Variants in PPARGC1B observed in about 807,000 individuals in gnomAD.
The protein encoded by PPARGC1B is peroxisome proliferator-activated receptor gamma coactivator 1-beta.
PPARGC1B carries 34 observed loss-of-function variants against 101.6 expected under a neutral mutation model. The ratio of observed to expected loss-of-function variants is 0.33; its 90% confidence interval spans 0.25 to 0.45. PPARGC1B has a LOEUF of 0.45. Ranked by LOEUF, PPARGC1B falls within the 20% of genes least tolerant of loss-of-function variation. The pLI is 1.00. For missense variants in PPARGC1B, 1,234 were observed against 1,317.6 expected, an observed-to-expected ratio of 0.94 and a Z score of 0.98; for synonymous variants, 548 against 539.3, an observed-to-expected ratio of 1.02 and a Z score of -0.22.
At position 149,735,828 on chromosome 5, in the gene PPARGC1B, A is replaced by G. The variant is rs373792370; in HGVS notation, c.78+5408A>G. On this transcript the variant is annotated intron_variant, in intron 1 of 11. Coordinates refer to ENST00000309241, the MANE Select transcript of PPARGC1B (RefSeq NM_133263.4). Reference sequence around the variant, plus strand: ...GAGCAAATGAAGGCACATAGATTGTATAGAGAGAATGCAGAGGCCGGGTGC... The same window carrying G: ...GAGCAAATGAAGGCACATAGATTGTGTAGAGAGAATGCAGAGGCCGGGTGC... 2.6e-5 allele frequency among the ~76,000 whole-genome samples: 4 copies of G among 152,222 alleles called. No individual in the cohort carries two copies. The East Asian group carries it at 7.7e-4, about 29-fold the overall frequency.
chr5:149,763,004 T>C (rs1755770787), intron 1 of PPARGC1B, among the ~76,000 whole-genome samples: 1 of 152,140 alleles, frequency 6.6e-6, no homozygotes, highest in Non-Finnish European at 1.5e-5. Context: ...CCCAGACTGT[T>C]CTCTAACTCC....
In PPARGC1B at chr5:149,755,046, CAT is replaced by C. The variant is rs1385735590; in HGVS notation, c.78+24630_78+24631del. On this transcript the variant is annotated intron_variant, in intron 1 of 11. Coordinates refer to ENST00000309241, the MANE Select transcript of PPARGC1B (RefSeq NM_133263.4). ...CACATATACACTACATATACATATA[CAT>C]ATACATATATATATATATATATATA... Among the ~76,000 whole-genome samples, 197 of 105,532 alleles carry C rather than the reference CAT, an allele frequency of 1.9e-3. 2 individuals carry two copies. The South Asian group carries it at 0.035, about 19-fold the overall frequency. 69.2% of individuals were successfully genotyped at this position (105,532 alleles called of 152,430 possible). A position where few individuals can be genotyped will look rare whatever the true frequency, so the allele number is the denominator to read the frequency against.
At position 149,836,623 on chromosome 5, in the gene PPARGC1B, C is replaced by T; in HGVS notation, c.2168C>T (p.Pro723Leu). The change falls in exon 8 of 12, where the codon CCC becomes CTC. Residue 723 changes from proline (P) to leucine (L), a missense_variant. Pro to Leu is a moderately conservative substitution (Grantham distance 98, BLOSUM62 -3). Coordinates refer to ENST00000309241, the MANE Select transcript of PPARGC1B (RefSeq NM_133263.4). ...EPSGVHLEDW[P>L]QQGAPWAEAQ... ...TCTGGGGTTCACCTTGAGGACTGGC[C>T]CCAGCAGGGTGCCCCTTGGGCTGAG... is the stretch of plus-strand genomic sequence containing the variant. The T allele has an allele frequency of 3.1e-6, 5 of 1,613,810 alleles. No individual in the cohort carries two copies. The highest frequency in any genetic ancestry group is 4.2e-6 in the Non-Finnish European group (5 of 1,180,032).
intron 1 of PPARGC1B, among the ~76,000 whole-genome samples, chr5:149,782,373 A>G (rs1756629696): frequency 6.6e-6 from 1 of 152,236 alleles, no homozygotes; most frequent in Non-Finnish European, 1.5e-5. Context: ...CTTCTCCCCA[A>G]GCAGTGGGTT....
chr5:149,798,333 T>C (rs922195916), intron 1 of PPARGC1B, among the ~76,000 whole-genome samples: 11 of 152,246 alleles, frequency 7.2e-5, no homozygotes, highest in African/African-American at 2.7e-4. Context: ...AACACGCCCT[T>C]GTTTTTTTGT....
Position 149,840,099 on chromosome 5 carries a change from C to T in PPARGC1B, c.2677C>T (p.Arg893Trp), listed in dbSNP as rs149399240. ...GCCAAGCATCCGGCACGCCAGGAAG[C>T]GGCGGGAAAAGGCCATTGTAAGTGA... is the stretch of plus-strand genomic sequence containing the variant. ...RTPSIRHARK[R>W]REKAIGEGRV... The change falls in exon 9 of 12, where the codon CGG (arginine) becomes TGG (tryptophan). Residue 893 changes from arginine (R) to tryptophan (W), a missense_variant. Physicochemically the swap from Arg to Trp is moderately radical, Grantham distance 101. This residue lies in a region of PPARGC1B where 497 missense variants were observed against 529.5 expected (regional missense o/e 0.94). Coordinates refer to ENST00000309241, the MANE Select transcript of PPARGC1B (RefSeq NM_133263.4). 135 of 1,612,928 alleles carry T rather than the reference C, an allele frequency of 8.4e-5. No individual in the cohort carries two copies. Among genetic ancestry groups the T allele is most frequent in the Non-Finnish European group, 1.1e-4 (127 of 1,179,566 alleles).
At chr5:149,745,092 G>T (rs2113099760) in intron 1 of PPARGC1B, among the ~76,000 whole-genome samples, 1 of 152,054 alleles carries the variant, frequency 6.6e-6, no homozygotes, top group South Asian at 2.1e-4. Flanking sequence ...TTAGAGATAG[G>T]GTCTTGCTAT....
chr5:149,833,445 C>T lies in PPARGC1B; in HGVS notation c.1372C>T (p.Arg458Ter), dbSNP rs1758899070. 1.3e-6 allele frequency: 2 copies of T among 1,576,432 alleles called. No homozygotes were observed. Among genetic ancestry groups the T allele is most frequent in the Non-Finnish European group, 1.7e-6 (2 of 1,161,216 alleles). The change falls in exon 5 of 12, where the codon CGA (arginine) becomes TGA (stop). Residue 458 changes from arginine (R) to a stop codon, truncating the protein, a stop_gained. Coordinates refer to ENST00000309241, the MANE Select transcript of PPARGC1B (RefSeq NM_133263.4). LOFTEE classifies it high-confidence loss of function. The surrounding 1 kb of genome is among the most constrained non-coding windows in gnomAD (Gnocchi z 4.1). ...EEEWGRKRPG[R>*]GLPWTKLGRK... Reference sequence around the variant, plus strand: ...GGAGTGGGGCAGGAAAAGGCCAGGCCGAGGCCTGCCATGGACGAAGCTGGG... The same window carrying T: ...GGAGTGGGGCAGGAAAAGGCCAGGCTGAGGCCTGCCATGGACGAAGCTGGG...
chr5:149,797,312 T>G (rs933814891), intron 1 of PPARGC1B, among the ~76,000 whole-genome samples: 80 of 152,238 alleles, frequency 5.3e-4, no homozygotes, highest in African/African-American at 1.7e-3. Context: ...ATTACATCTT[T>G]GTTTTCATGA....
intron 1 of PPARGC1B, among the ~76,000 whole-genome samples, chr5:149,809,886 G>T (rs11948432): frequency 6.6e-6 from 1 of 151,870 alleles, no homozygotes; most frequent in African/African-American, 2.4e-5. Context: ...AGGCCCATCT[G>T]GGGAGGGACG....
intron 1 of PPARGC1B, among the ~76,000 whole-genome samples, chr5:149,734,429 T>A (rs943035621): frequency 2.6e-5 from 4 of 151,448 alleles, no homozygotes; most frequent in Admixed American, 1.3e-4. Flanking sequence ...CCAAACAATA[T>A]GCTGTGAACA....
chr5:149,777,196 A>G (rs1040699484), intron 1 of PPARGC1B, among the ~76,000 whole-genome samples: 1 of 152,196 alleles, frequency 6.6e-6, no homozygotes, highest in African/African-American at 2.4e-5. Flanking sequence ...AAAAGCACTT[A>G]GTATATGCCC....
At chr5:149,835,530 G>A (rs930319287) in intron 7 of PPARGC1B, among the ~76,000 whole-genome samples, 165 bp downstream of exon 7, 2 of 152,236 alleles carry the variant, frequency 1.3e-5, no homozygotes, top group African/African-American at 2.4e-5. Flanking sequence ...AGAAAAGGAA[G>A]ATCATTACAA....
chr5:149,800,573 A>G (rs1757399037), intron 1 of PPARGC1B, among the ~76,000 whole-genome samples: 1 of 152,332 alleles, frequency 6.6e-6, no homozygotes, highest in East Asian at 1.9e-4. Flanking sequence ...ATGGCTAACA[A>G]TACCTCCCTT....
chr5:149,790,733 G>A (rs1756987201), intron 1 of PPARGC1B, among the ~76,000 whole-genome samples: 1 of 152,170 alleles, frequency 6.6e-6, no homozygotes, highest in Non-Finnish European at 1.5e-5. Flanking sequence ...GTGGGTCCCA[G>A]TGACTCCAGC....
At position 149,730,405 on chromosome 5, in the gene PPARGC1B, T is replaced by C. The variant is rs1039774119; in HGVS notation, c.63T>C (p.Tyr21=). The change falls in exon 1 of 12, where the codon TAT becomes TAC. Residue 21 remains tyrosine (Y), a synonymous_variant. Transcript: ENST00000309241. This position sits in a 1 kb window ranked among gnomAD's most constrained non-coding sequence, Gnocchi z 4.0. ...AGCTCTCCTCCTTCTTCCTCAACTA[T>C]CTCGCTGACACGCAGGTACGGCCGG... ...DEELSSFFLN[Y]LADTQGGGSG... is the part of the protein sequence containing the mutation. 2.6e-6 allele frequency: 4 copies of C among 1,564,314 alleles called. No homozygotes were observed. Among genetic ancestry groups the C allele is most frequent in the African/African-American group, 1.4e-5 (1 of 71,176 alleles).
intron 1 of PPARGC1B, among the ~76,000 whole-genome samples, chr5:149,766,031 A>T (rs557644540): frequency 1.3e-5 from 2 of 152,252 alleles, no homozygotes; most frequent in Non-Finnish European, 2.9e-5. Context: ...AAATGAATAC[A>T]TATAGAAATG....
At chr5:149,779,166 C>G (rs1756503729) in intron 1 of PPARGC1B, among the ~76,000 whole-genome samples, 2 of 152,126 alleles carry the variant, frequency 1.3e-5, no homozygotes, top group African/African-American at 4.8e-5. Context: ...GAAAGGAGTC[C>G]TGAATTTTGA....
At chr5:149,755,901 C>T (rs949086904) in intron 1 of PPARGC1B, among the ~76,000 whole-genome samples, 3 of 152,130 alleles carry the variant, frequency 2.0e-5, no homozygotes, top group Non-Finnish European at 4.4e-5. Context: ...GCCTTGGCCC[C>T]CCAAAGTGCT....
Sources: gnomAD v4.1 joint callset for allele counts (sites outside exome capture counted in the v4.1 genomes callset) on GRCh38, gnomAD v4.1.1 for gene constraint, gnomAD v4.1.1 regional missense constraint, Gnocchi (gnomAD v3.1) non-coding constraint, MANE v1.5 for transcripts, NCBI Gene and HGNC (gene_info 2026-07-23, HGNC 2026-07-21) for gene names.